The following OSBPL6 variants were observed in gnomAD, a reference collection of about 807,000 sequenced individuals.
The protein encoded by OSBPL6 is oxysterol-binding protein-related protein 6.
A neutral mutation model predicts 125.8 loss-of-function variants in OSBPL6; 49 were observed. That is an observed-to-expected ratio of 0.39 (90% CI 0.31 to 0.49). OSBPL6 has a LOEUF of 0.49. Among genes scored for constraint, OSBPL6 ranks in the 20% least tolerant of loss-of-function variants. OSBPL6 has a pLI of 0.88. For synonymous variants in OSBPL6, 394 were observed against 391.8 expected, an observed-to-expected ratio of 1.01 and a Z score of -0.07; for missense variants, 986 against 1,135.4, an observed-to-expected ratio of 0.87 and a Z score of 1.89.
chr2:178,253,332 T>C (rs1322072902), intron 1 of OSBPL6, among the ~76,000 whole-genome samples: 1 of 152,180 alleles, frequency 6.6e-6, no homozygotes, highest in Non-Finnish European at 1.5e-5. Flanking sequence ...TAAACCACTG[T>C]ATATGAGCAG....
intron 3 of OSBPL6, among the ~76,000 whole-genome samples, chr2:178,308,546 T>G (rs775838159): frequency 9.2e-5 from 14 of 152,240 alleles, no homozygotes; most frequent in Non-Finnish European, 2.1e-4. Context: ...GCACATTATT[T>G]GCCTTTCCTT....
chr2:178,221,964 C>G (rs536317261), intron 1 of OSBPL6, among the ~76,000 whole-genome samples: 3 of 152,124 alleles, frequency 2.0e-5, no homozygotes, highest in Admixed American at 6.5e-5. Context: ...TGCACACTTT[C>G]GCATCCCATG....
At chr2:178,348,675 G>A (rs1273411959) in intron 11 of OSBPL6, among the ~76,000 whole-genome samples, 1 of 152,146 alleles carries the variant, frequency 6.6e-6, no homozygotes, top group East Asian at 1.9e-4. Context: ...TACTAATATA[G>A]ATTTTAATAA....
chr2:178,266,549 G>A (rs2154021583), intron 1 of OSBPL6, among the ~76,000 whole-genome samples: 1 of 152,302 alleles, frequency 6.6e-6, no homozygotes. Flanking sequence ...AGGTGGGCAT[G>A]GCTCTTGTGA....
chr2:178,228,115 G>A (rs951253723), intron 1 of OSBPL6, among the ~76,000 whole-genome samples: 40 of 152,196 alleles, frequency 2.6e-4, no homozygotes, highest in South Asian at 2.1e-4. Flanking sequence ...TGCATAAGAG[G>A]TAATCAGGAT....
chr2:178,246,866 A>C (rs891871804), intron 1 of OSBPL6, among the ~76,000 whole-genome samples: 1 of 152,260 alleles, frequency 6.6e-6, no homozygotes, highest in South Asian at 2.1e-4. Context: ...CTGACTCTGC[A>C]CTTGCCTTCG....
intron 13 of OSBPL6, 30 bp downstream of exon 13, chr2:178,361,845 A>G (rs776905760): frequency 3.3e-5 from 53 of 1,613,272 alleles, no homozygotes; most frequent in South Asian, 2.0e-4. Flanking sequence ...TTGCATGTAC[A>G]TGACACACTC....
chr2:178,298,707 T>G lies in OSBPL6; in HGVS notation c.-155-7323T>G, dbSNP rs1001441169. Among the ~76,000 whole-genome samples, 44 of 108,714 alleles carry G rather than the reference T, an allele frequency of 4.0e-4. 1 individual carries two copies. Among genetic ancestry groups the G allele is most frequent in the Admixed American group, 2.3e-3 (25 of 10,920 alleles). 71.3% of individuals were successfully genotyped at this position (108,714 alleles called of 152,430 possible). ...CTATTTTTAGTTGCTTTTTTTTTTG[T>G]TTTTTTTTTTTTGCCGTACTGTTCT... On this transcript the variant is annotated intron_variant, in intron 2 of 24. Coordinates refer to ENST00000190611, the MANE Select transcript of OSBPL6 (RefSeq NM_032523.4).
intron 3 of OSBPL6, among the ~76,000 whole-genome samples, chr2:178,315,735 C>T (rs757787798): frequency 7.2e-5 from 11 of 152,132 alleles, no homozygotes; most frequent in Non-Finnish European, 1.6e-4. Flanking sequence ...GGCATCACAC[C>T]AAATAGACAG....
intron 1 of OSBPL6, among the ~76,000 whole-genome samples, chr2:178,243,692 C>T (rs1158668678): frequency 2.6e-5 from 4 of 152,156 alleles, no homozygotes; most frequent in Admixed American, 1.3e-4. Context: ...CTTGCTCTGT[C>T]GCCCAGGCTG....
At chr2:178,253,426 A>G (rs2091769081) in intron 1 of OSBPL6, among the ~76,000 whole-genome samples, 1 of 152,212 alleles carries the variant, frequency 6.6e-6, no homozygotes, top group Non-Finnish European at 1.5e-5. Flanking sequence ...TTGATCTTCT[A>G]TGAGGAAACC....
chr2:178,370,302 T>A (rs559219118), intron 13 of OSBPL6, among the ~76,000 whole-genome samples: 32 of 152,084 alleles, frequency 2.1e-4, no homozygotes, highest in Admixed American at 1.2e-3. Context: ...ATTCTGCAAT[T>A]AAAACTATCA....
chr2:178,378,333 T>G (rs1481942863), intron 15 of OSBPL6, among the ~76,000 whole-genome samples: 1 of 152,230 alleles, frequency 6.6e-6, no homozygotes, highest in Non-Finnish European at 1.5e-5. Context: ...AATAAATATC[T>G]GCTAACTGAG....
chr2:178,320,412 TC>T, intron 3 of OSBPL6: 1 of 1,612,454 alleles, frequency 6.2e-7, no homozygotes, highest in Non-Finnish European at 8.5e-7. Flanking sequence ...GGTAAGTACT[TC>T]CACCTTCTCT....
intron 22 of OSBPL6, 68 bp downstream of exon 22, chr2:178,391,285 G>C: frequency 6.9e-7 from 1 of 1,456,728 alleles, no homozygotes; most frequent in Non-Finnish European, 9.1e-7. Flanking sequence ...GAGAACATCA[G>C]GTCATCTTAT....
intron 1 of OSBPL6, among the ~76,000 whole-genome samples, chr2:178,229,650 C>T (rs527545192): frequency 6.6e-6 from 1 of 152,172 alleles, no homozygotes; most frequent in East Asian, 1.9e-4. Flanking sequence ...GGCAACATGG[C>T]GAAAACTCAT....
chr2:178,276,446 C>T (rs1394981867), intron 1 of OSBPL6, among the ~76,000 whole-genome samples: 1 of 147,532 alleles, frequency 6.8e-6, no homozygotes, highest in South Asian at 2.1e-4. Context: ...GATCTTGGCT[C>T]ACTGCAACCT....
rs759927446 is a variant in OSBPL6, at chr2:178,338,738, A to G, written c.791-253A>G. On this transcript the variant is annotated intron_variant, in intron 9 of 24. Coordinates refer to ENST00000190611, the MANE Select transcript of OSBPL6 (RefSeq NM_032523.4). ...TATCAGAGCAGAAAAGGGATCACAT[A>G]CAGTGTGACTGAGAGTTTCATGGTT... Among the ~76,000 whole-genome samples, 11 of 152,204 alleles carry G rather than the reference A, an allele frequency of 7.2e-5. No individual in the cohort carries two copies. In the East Asian group the frequency reaches 1.9e-3, roughly 27 times the overall value.
intron 11 of OSBPL6, among the ~76,000 whole-genome samples, chr2:178,345,348 G>A (rs1453924628): frequency 2.0e-5 from 3 of 152,212 alleles, no homozygotes; most frequent in Non-Finnish European, 2.9e-5. Flanking sequence ...ATGGATGCTG[G>A]TATGAGGATG....
Sources: allele counts gnomAD v4.1 joint callset (sites outside exome capture counted in the v4.1 genomes callset), GRCh38; gene constraint gnomAD v4.1.1; transcripts MANE v1.5; gene names NCBI Gene and HGNC (gene_info 2026-07-23, HGNC 2026-07-21).